DLGAP2: variants seen among roughly 807,000 people sequenced by gnomAD.
The protein encoded by DLGAP2 is DLG associated protein 2, also known as disks large-associated protein 2.
DLGAP2 carries 26 observed loss-of-function variants against 100.3 expected under a neutral mutation model. The observed-to-expected ratio is 0.26, with a 90% CI of 0.19 to 0.36. The LOEUF (loss-of-function observed/expected upper bound fraction) is 0.36, where lower values mean the gene tolerates loss of function less well. DLGAP2 is among the 10% of genes least tolerant of loss of function. The pLI, the probability that DLGAP2 is intolerant of heterozygous loss-of-function variation, is 1.00. For missense variants in DLGAP2, 1,858 were observed against 1,453.2 expected (o/e 1.28, Z -4.53); for synonymous variants, 886 against 630.1 (o/e 1.41, Z -6.08).
chr8:1,598,560 C>G (rs112597509), intron 6 of DLGAP2, among the ~76,000 whole-genome samples: 3,371 of 152,200 alleles, frequency 0.022, 48 homozygotes, highest in Non-Finnish European at 0.037. Context: ...TTGGTGTATT[C>G]AGGGATTTGA....
In DLGAP2 at chr8:962,233, TC is replaced by T. The variant is rs201636756; in HGVS notation, c.73+54270del. On this transcript the variant is annotated intron_variant, in intron 2 of 14. Transcript: ENST00000637795. ...GGAACAAGATACCAGTGAAAGGGTC[TC>T]CCATCTCAAGTAGTAAAATTACAGC... Among the ~76,000 whole-genome samples, 338 of 152,300 alleles carry T rather than the reference TC, an allele frequency of 2.2e-3. 1 individual carries two copies. Among genetic ancestry groups the T allele is most frequent in the African/African-American group, 7.6e-3 (314 of 41,572 alleles).
chr8:1,298,976 G>C (rs868500103), intron 3 of DLGAP2, among the ~76,000 whole-genome samples: 4 of 152,222 alleles, frequency 2.6e-5, no homozygotes, highest in African/African-American at 7.2e-5. Flanking sequence ...TCAGTGGCTC[G>C]TGCTGAATGA....
chr8:1,682,619 C>G (rs2130861840), intron 12 of DLGAP2, among the ~76,000 whole-genome samples: 1 of 146,322 alleles, frequency 6.8e-6, no homozygotes, highest in Non-Finnish European at 1.6e-5. Flanking sequence ...GGACTACAGA[C>G]ACGCACCACA....
At chr8:1,287,131 C>CGTGT (rs33910191) in intron 3 of DLGAP2, among the ~76,000 whole-genome samples, 34,504 of 136,772 alleles carry the variant, frequency 0.25, 5,861 homozygotes, top group Admixed American at 0.33. Context: ...TTCGGTTCAG[C>CGTGT]GTGTGTGTGT....
intron 3 of DLGAP2, among the ~76,000 whole-genome samples, chr8:1,443,598 G>A (rs543719578): frequency 7.2e-5 from 11 of 152,314 alleles, no homozygotes; most frequent in South Asian, 6.2e-4. Flanking sequence ...AGTTCCACAC[G>A]GCTGGGGAGG....
In DLGAP2 at chr8:820,047, A is replaced by G. The variant is rs183764995; in HGVS notation, c.18+82222A>G. Among the ~76,000 whole-genome samples the G allele has an allele frequency of 7.9e-5, 12 of 152,352 alleles. No individual in the cohort carries two copies. In the East Asian group the frequency reaches 2.3e-3, roughly 29 times the overall value. ...TCTTGTCTACTAAGAGAAACACACT[A>G]GTGCTGTAGGAGATAAATCAATCTG... On this transcript the variant is annotated intron_variant, in intron 1 of 14. Coordinates refer to ENST00000637795, the MANE Select transcript of DLGAP2 (RefSeq NM_001346810.2).
chr8:1,473,633 A>G (rs999148680), intron 3 of DLGAP2, among the ~76,000 whole-genome samples: 10 of 152,252 alleles, frequency 6.6e-5, no homozygotes, highest in Admixed American at 3.9e-4. Context: ...GGTGTAGGCT[A>G]TGGTATGGTT....
intron 2 of DLGAP2, among the ~76,000 whole-genome samples, chr8:1,021,911 C>T (rs909672693): frequency 1.3e-5 from 2 of 152,180 alleles, no homozygotes; most frequent in Admixed American, 6.5e-5. Flanking sequence ...CTCCACCCCC[C>T]ACTTCCTGGG....
chr8:1,614,889 T>C (rs1797101133), intron 6 of DLGAP2, among the ~76,000 whole-genome samples: 1 of 152,188 alleles, frequency 6.6e-6, no homozygotes, highest in South Asian at 2.1e-4. Flanking sequence ...GCCCTCCTGT[T>C]TGAAAGCAGA....
intron 1 of DLGAP2, among the ~76,000 whole-genome samples, chr8:762,896 T>C (rs185301245): frequency 6.6e-6 from 1 of 152,240 alleles, no homozygotes; most frequent in East Asian, 1.9e-4. Context: ...CAGGCTGGTC[T>C]CCTACTCCTG....
At chr8:796,042 G>A (rs1028855206) in intron 1 of DLGAP2, among the ~76,000 whole-genome samples, 29 of 149,800 alleles carry the variant, frequency 1.9e-4, no homozygotes, top group Admixed American at 1.1e-3. Flanking sequence ...GAGAGCAGGC[G>A]TCCAGTGAGA....
At chr8:1,207,802 C>T (rs544477573) in intron 2 of DLGAP2, among the ~76,000 whole-genome samples, 3 of 152,178 alleles carry the variant, frequency 2.0e-5, no homozygotes, top group East Asian at 3.9e-4. Context: ...TTTATTTGCA[C>T]GTCCTTGATA....
intron 1 of DLGAP2, among the ~76,000 whole-genome samples, chr8:837,742 A>C (rs972272370): frequency 6.7e-6 from 1 of 149,794 alleles, no homozygotes; most frequent in Non-Finnish European, 1.5e-5. Context: ...TTTTAGACGG[A>C]GTCTCACTCT....
intron 2 of DLGAP2, among the ~76,000 whole-genome samples, chr8:1,110,310 C>T (rs1482216961): frequency 1.4e-5 from 2 of 138,302 alleles, no homozygotes; most frequent in Non-Finnish European, 3.1e-5. Flanking sequence ...GTGACATGTG[C>T]TGGGTCTGTG....
intron 2 of DLGAP2, among the ~76,000 whole-genome samples, chr8:1,085,712 G>C (rs1021000098): frequency 2.0e-5 from 3 of 152,116 alleles, no homozygotes; most frequent in African/African-American, 7.2e-5. Flanking sequence ...GATTCCTCTA[G>C]CTTTGCTACT....
chr8:1,018,981 G>C (rs916592358), intron 2 of DLGAP2: 4 of 152,184 alleles, frequency 2.6e-5, no homozygotes, highest in African/African-American at 9.7e-5. Flanking sequence ...CAGACAGTGA[G>C]ACGGGCGCTT....
intron 4 of DLGAP2, among the ~76,000 whole-genome samples, chr8:1,522,149 A>G (rs1459665276): frequency 6.6e-6 from 1 of 152,012 alleles, no homozygotes; most frequent in Non-Finnish European, 1.5e-5. Flanking sequence ...GGTGTGGAGC[A>G]TCTTTGGTTT....
intron 2 of DLGAP2, among the ~76,000 whole-genome samples, chr8:910,777 C>T (rs1798468798): frequency 6.6e-6 from 1 of 152,116 alleles, no homozygotes; most frequent in Non-Finnish European, 1.5e-5. Context: ...GAATCCAGCA[C>T]CATCTTTTAC....
Position 1,691,625 on chromosome 8 carries a change from T to A in DLGAP2, c.2795T>A (p.Met932Lys). The A allele has an allele frequency of 1.2e-6, 2 of 1,613,366 alleles. No individual in the cohort carries two copies. Among genetic ancestry groups the A allele is most frequent in the Non-Finnish European group, 1.7e-6 (2 of 1,179,460 alleles). Reference sequence around the variant, plus strand: ...TTTTATTGGCTTTGCCAACAGAATATGGTAAGTGAATCCTCAGTGAACCCC... The same window carrying A: ...TTTTATTGGCTTTGCCAACAGAATAAGGTAAGTGAATCCTCAGTGAACCCC... ...QQFYWLCQQN[M>K]DPSAMPRPTS... The change falls in exon 13 of 15, where the codon ATG becomes AAG. Residue 932 changes from methionine to lysine, a missense_variant and splice_region_variant. Transcript: ENST00000637795.
Sources: allele counts gnomAD v4.1 joint callset (sites outside exome capture counted in the v4.1 genomes callset), GRCh38; gene constraint gnomAD v4.1.1; transcripts MANE v1.5; gene names NCBI Gene and HGNC (gene_info 2026-07-23, HGNC 2026-07-21).